The following PASD1 variants were observed in gnomAD, a reference collection of about 807,000 sequenced individuals.
PASD1 encodes the protein circadian clock protein PASD1.
PASD1 carries 13 observed loss-of-function variants against 58.8 expected under a neutral mutation model. The ratio of observed to expected loss-of-function variants is 0.22; its 90% CI spans 0.14 to 0.35. The LOEUF (loss-of-function observed/expected upper bound fraction) is 0.35, where lower values mean the gene tolerates loss of function less well. Ranked by LOEUF, PASD1 falls within the 10% of genes least tolerant of loss-of-function variation. The probability of loss-of-function intolerance (pLI) is 1.00; values close to 1 mark genes in which losing one functional copy is unlikely to be tolerated. For missense variants in PASD1, 734 were observed against 568.3 expected, an observed-to-expected ratio of 1.29 and a Z score of -2.96; for synonymous variants, 236 against 216.7, an observed-to-expected ratio of 1.09 and a Z score of -0.78.
intron 9 of PASD1, among the ~76,000 whole-genome samples, chrX:151,657,270 T>C (rs1433235612): frequency 8.9e-6 from 1 of 112,151 alleles, no homozygotes; most frequent in African/African-American, 3.2e-5. Context: ...CAGTATTTTA[T>C]TGAGGATTTT....
At chrX:151,606,950 A>G (rs1464759909) in intron 3 of PASD1, among the ~76,000 whole-genome samples, 1 of 111,594 alleles carries the variant, frequency 9.0e-6, no homozygotes, top group Admixed American at 9.6e-5. Context: ...TTTACTTAAA[A>G]TTTTATCTTA....
intron 2 of PASD1, among the ~76,000 whole-genome samples, chrX:151,604,217 A>G (rs2013456546): frequency 8.9e-6 from 1 of 112,067 alleles, no homozygotes; most frequent in Non-Finnish European, 1.9e-5. Context: ...CCTTGTGCAA[A>G]GCTTAAATAG....
At position 151,611,645 on chromosome X, in the gene PASD1, A is replaced by G; in HGVS notation, c.118-19A>G. The stretch of plus-strand genomic sequence containing the variant: ...TATTGTTCCACTATTTAATTACATT[A>G]TTATTCTCTCGTCATTAGTTATTAG... On this transcript the variant is annotated intron_variant, in intron 3 of 15. Transcript: ENST00000370357. The G allele has an allele frequency of 9.3e-7, 1 of 1,079,252 alleles. No individual in the cohort carries two copies. The highest frequency in any genetic ancestry group is 1.3e-6 in the Non-Finnish European group (1 of 791,599). 88.9% of individuals were successfully genotyped at this position (1,079,252 alleles called of 1,213,427 possible).
chrX:151,599,677 G>C (rs990872061), intron 1 of PASD1, among the ~76,000 whole-genome samples: 1 of 106,288 alleles, frequency 9.4e-6, no homozygotes, highest in African/African-American at 3.5e-5. Flanking sequence ...GGGCAGACGG[G>C]CAGAGGCGCT....
intron 1 of PASD1, among the ~76,000 whole-genome samples, chrX:151,584,595 T>C (rs770493095): frequency 8.9e-5 from 10 of 111,757 alleles, no homozygotes; most frequent in Non-Finnish European, 1.3e-4. Context: ...TGGACAGTTA[T>C]AGATAGTGTG....
Position 151,625,621 on chromosome X carries a change from T to A in PASD1, c.629+91T>A. The A allele has an allele frequency of 4.3e-6, 3 of 699,349 alleles. 1 individual carries two copies. Among genetic ancestry groups the A allele is most frequent in the East Asian group, 3.4e-5 (1 of 29,178 alleles). 57.6% of individuals were successfully genotyped at this position (699,349 alleles called of 1,213,427 possible). ...CAAGAGAAATAACACCTACAGATAT[T>A]TTTTTTCCCATCAAAATGAAAATGA... is the stretch of plus-strand genomic sequence containing the variant. On this transcript the variant is annotated intron_variant, in intron 8 of 15. Coordinates refer to ENST00000370357, the MANE Select transcript of PASD1 (RefSeq NM_173493.3).
chrX:151,653,145 G>A (rs1311032386), intron 9 of PASD1, among the ~76,000 whole-genome samples: 5 of 108,280 alleles, frequency 4.6e-5, no homozygotes, highest in African/African-American at 1.7e-4. Flanking sequence ...GTTATGAGAA[G>A]TGGTCAGATT....
At chrX:151,644,001 C>A (rs1398148473) in intron 8 of PASD1, among the ~76,000 whole-genome samples, 1 of 111,310 alleles carries the variant, frequency 9.0e-6, no homozygotes, top group Admixed American at 9.6e-5. Context: ...TTAGCATTTA[C>A]CTTAAGATTA....
intron 9 of PASD1, among the ~76,000 whole-genome samples, chrX:151,656,405 G>A (rs1172143662): frequency 1.8e-5 from 2 of 111,832 alleles, no homozygotes; most frequent in African/African-American, 3.3e-5. Context: ...GTCATTGGTA[G>A]CTTGATGGGG....
At chrX:151,638,110 C>T (rs1047246344) in intron 8 of PASD1, among the ~76,000 whole-genome samples, 1 of 111,517 alleles carries the variant, frequency 9.0e-6, no homozygotes, top group Admixed American at 9.6e-5. Flanking sequence ...TTAACTTTAG[C>T]AGCTTGACTT....
intron 1 of PASD1, among the ~76,000 whole-genome samples, chrX:151,597,670 C>A: frequency 9.1e-6 from 1 of 110,383 alleles, no homozygotes; most frequent in Non-Finnish European, 1.9e-5. Context: ...CTATTATTTT[C>A]TTCTCCTTTC....
At chrX:151,569,538 T>C (rs887164848) in intron 1 of PASD1, among the ~76,000 whole-genome samples, 2 of 112,013 alleles carry the variant, frequency 1.8e-5, no homozygotes, top group African/African-American at 6.5e-5. Flanking sequence ...AAACTCTCAT[T>C]GAGAGTTCTT....
chrX:151,589,123 A>G (rs770176464), intron 1 of PASD1, among the ~76,000 whole-genome samples: 4 of 111,442 alleles, frequency 3.6e-5, no homozygotes, highest in African/African-American at 1.3e-4. Flanking sequence ...CCCTTTCCCC[A>G]TTCCTACATG....
chrX:151,627,085 G>A (rs768385827), intron 8 of PASD1, among the ~76,000 whole-genome samples: 4 of 111,613 alleles, frequency 3.6e-5, no homozygotes, highest in Non-Finnish European at 7.5e-5. Flanking sequence ...GTAATTGTGT[G>A]TTGAATGTGA....
intron 11 of PASD1, among the ~76,000 whole-genome samples, chrX:151,669,150 ATAT>A (rs2014428988): frequency 2.2e-5 from 2 of 89,856 alleles, no homozygotes; most frequent in South Asian, 4.9e-4. Context: ...GCAGTTGTAC[ATAT>A]TATATATACT....
At chrX:151,615,117 C>A (rs2049294724) in intron 4 of PASD1, among the ~76,000 whole-genome samples, 1 of 111,804 alleles carries the variant, frequency 8.9e-6, no homozygotes, top group African/African-American at 3.2e-5. Context: ...CACCCAAATT[C>A]TTGTGGCATC....
intron 8 of PASD1, among the ~76,000 whole-genome samples, chrX:151,646,964 T>C (rs2014068197): frequency 9.0e-6 from 1 of 110,629 alleles, no homozygotes; most frequent in Non-Finnish European, 1.9e-5. Flanking sequence ...CAGAAGAGAG[T>C]TGAGAAAGAG....
At chrX:151,665,385 A>T (rs1292504661) in intron 11 of PASD1, among the ~76,000 whole-genome samples, 2 of 112,090 alleles carry the variant, frequency 1.8e-5, no homozygotes, top group Non-Finnish European at 3.8e-5. Flanking sequence ...TATAACTTTT[A>T]AAAAATCACC....
In PASD1 at chrX:151,621,535, G is replaced by A; in HGVS notation, c.361G>A (p.Asp121Asn). The change falls in exon 6 of 16, where the codon GAT becomes AAT. Residue 121 changes from aspartate to asparagine, a missense_variant. Asp to Asn is a conservative substitution (Grantham distance 23). Coordinates refer to ENST00000370357, the MANE Select transcript of PASD1 (RefSeq NM_173493.3). ...HLKRGNVEHG[D>N]SSAYENVKFI... is the part of the protein sequence containing the mutation. ...AAAAAGAGGAAATGTCGAACATGGT[G>A]ATAGTTCTGCTTACGAAAACGTGAA... 8 of 1,207,436 alleles carry A rather than the reference G, an allele frequency of 6.6e-6. No individual in the cohort carries two copies. The highest frequency in any genetic ancestry group is 9.0e-6 in the Non-Finnish European group (8 of 893,348).
Sources: gnomAD v4.1 joint callset for allele counts (sites outside exome capture counted in the v4.1 genomes callset) on GRCh38, gnomAD v4.1.1 for gene constraint, MANE v1.5 for transcripts, NCBI Gene and HGNC (gene_info 2026-07-23, HGNC 2026-07-21) for gene names.